The following DNAJC5G variants were observed in gnomAD, a reference collection of about 807,000 sequenced individuals.
The protein encoded by DNAJC5G is DnaJ heat shock protein family (Hsp40) member C5 gamma.
A neutral mutation model predicts 19.1 loss-of-function variants in DNAJC5G; 13 were observed. The observed-to-expected ratio is 0.68, with a 90% CI of 0.44 to 1.08. The LOEUF (loss-of-function observed/expected upper bound fraction) is 1.08. DNAJC5G is among the 50% of genes least tolerant of loss of function. The pLI is 0.00. For missense variants in DNAJC5G, 245 were observed against 230.4 expected (o/e 1.06, Z -0.41); for synonymous variants, 81 against 84.4 (o/e 0.96, Z 0.22).
chr2:27,280,359 A>T lies in DNAJC5G; in HGVS notation c.*19-70A>T, dbSNP rs1048709923. 3 of 810,766 alleles carry T rather than the reference A, an allele frequency of 3.7e-6. No individual in the cohort carries two copies. In the Admixed American group the frequency reaches 6.9e-5, roughly 19 times the overall value. 50.2% of individuals were successfully genotyped at this position (810,766 alleles called of 1,614,324 possible). On this transcript the variant is annotated intron_variant, in intron 6 of 6. Transcript: ENST00000296097. Reference sequence around the variant, plus strand: ...ACTATGTGTTTATATCCTTACATGTAGGGGTTTGCTTTAAGTTCTAGGTAA... The same window carrying T: ...ACTATGTGTTTATATCCTTACATGTTGGGGTTTGCTTTAAGTTCTAGGTAA...
Position 27,276,364 on chromosome 2 carries a change from C to A in DNAJC5G, c.-27C>A. The A allele has an allele frequency of 5.9e-6, 1 of 170,540 alleles. No homozygotes were observed. The allele number at this position is 170,540 out of a possible 1,614,324, so 10.6% of individuals were successfully genotyped here. On this transcript the variant is annotated 5_prime_UTR_variant, in exon 2 of 7. Coordinates refer to ENST00000296097, the MANE Select transcript of DNAJC5G (RefSeq NM_173650.3). ...TTTCAAACCCAGCAGTGAGCTTGGA[C>A]AGACCCAGAGGTGTTTACTCCAGGT...
At chr2:27,278,121 A>G in intron 4 of DNAJC5G, 67 bp from the exon 5 acceptor site, 1 of 1,611,064 alleles carries the variant, frequency 6.2e-7, no homozygotes, top group South Asian at 1.1e-5. Flanking sequence ...AGGAGGATTG[A>G]GGGAGGGAAG....
chr2:27,278,699 A>C (rs979414408), intron 5 of DNAJC5G, among the ~76,000 whole-genome samples: 3 of 147,546 alleles, frequency 2.0e-5, no homozygotes, highest in Non-Finnish European at 4.5e-5. Context: ...AAAAAAAAAA[A>C]AAAAAAAAAG....
chr2:27,278,138 C>T, intron 4 of DNAJC5G, 50 bp from the exon 5 acceptor site: 1 of 1,612,512 alleles, frequency 6.2e-7, no homozygotes, highest in Non-Finnish European at 8.5e-7. Context: ...GAAGCTTGAG[C>T]AGTCATATAG....
At chr2:27,280,052 A>G (rs976208569) in intron 5 of DNAJC5G, 114 bp from the exon 6 acceptor site, 2 of 949,862 alleles carry the variant, frequency 2.1e-6, no homozygotes, top group South Asian at 1.5e-5. Context: ...ACTTGACACC[A>G]GCGCCACCTG....
chr2:27,277,724 A>G (rs777414817), intron 3 of DNAJC5G, 30 bp from the exon 4 acceptor site: 6 of 1,612,900 alleles, frequency 3.7e-6, no homozygotes, highest in Non-Finnish European at 5.1e-6. Context: ...AGACTAATCC[A>G]TGTCATTCAT....
Position 27,277,612 on chromosome 2 carries a change from C to T in DNAJC5G, c.114-142C>T, listed in dbSNP as rs1678163491. 7 of 1,138,506 alleles carry T rather than the reference C, an allele frequency of 6.1e-6. No individual in the cohort carries two copies. In the East Asian group the frequency reaches 1.7e-4, roughly 27 times the overall value. 70.5% of individuals were successfully genotyped at this position (1,138,506 alleles called of 1,614,324 possible). A position where few individuals can be genotyped will look rare whatever the true frequency, so the allele number is the denominator to read the frequency against. On this transcript the variant is annotated intron_variant, in intron 3 of 6. Coordinates refer to ENST00000296097, the MANE Select transcript of DNAJC5G (RefSeq NM_173650.3). Reference sequence around the variant, plus strand: ...AAGCCCTCACTTTGGGGCCAAATGGCACCATCACCCTCTTCATTATAGTAT... The same window carrying T: ...AAGCCCTCACTTTGGGGCCAAATGGTACCATCACCCTCTTCATTATAGTAT...
intron 1 of DNAJC5G, chr2:27,275,851 C>T (rs1678015943): frequency 6.5e-6 from 1 of 153,382 alleles, no homozygotes. Flanking sequence ...CCAGGCCTAG[C>T]TGCAAGCACT....
chr2:27,277,220 G>A (rs906495500), intron 3 of DNAJC5G, among the ~76,000 whole-genome samples: 1 of 151,844 alleles, frequency 6.6e-6, no homozygotes, highest in Non-Finnish European at 1.5e-5. Context: ...GGGATTACAG[G>A]TGTGAACCAC....
intron 3 of DNAJC5G, 39 bp from the exon 4 acceptor site, chr2:27,277,715 G>T (rs1228556817): frequency 6.2e-7 from 1 of 1,611,986 alleles, no homozygotes; most frequent in Non-Finnish European, 8.5e-7. Context: ...ACTCTCTAGA[G>T]ACTAATCCAT....
intron 2 of DNAJC5G, 58 bp from the exon 3 acceptor site, chr2:27,276,668 C>T: frequency 2.0e-6 from 3 of 1,536,074 alleles, no homozygotes; most frequent in Non-Finnish European, 2.7e-6. Context: ...TGGAAGTGCA[C>T]TTCTCGGTAC....
In DNAJC5G at chr2:27,280,233, G is replaced by A. The variant is rs370283787; in HGVS notation, c.*18G>A. 2.4e-5 allele frequency: 38 copies of A among 1,613,476 alleles called. No homozygotes were observed. The highest frequency in any genetic ancestry group is 3.1e-5 in the Non-Finnish European group (36 of 1,179,630). On this transcript the variant is annotated splice_region_variant and 3_prime_UTR_variant, in exon 6 of 7. Transcript: ENST00000296097. ...ATTTTTAAGAGATGAAGAAGGATGA[G>A]GTATGTAAACCGAAAGGCAGCAACA...
chr2:27,277,248 C>T (rs1354904335), intron 3 of DNAJC5G, among the ~76,000 whole-genome samples: 1 of 128,538 alleles, frequency 7.8e-6, no homozygotes, highest in Non-Finnish European at 1.6e-5. Context: ...GGCCTACGAC[C>T]CGTTTGTTTG....
intron 5 of DNAJC5G, 63 bp downstream of exon 5, chr2:27,278,395 T>C (rs1242512791): frequency 5.0e-6 from 8 of 1,595,550 alleles, no homozygotes; most frequent in East Asian, 4.5e-5. Context: ...AAAGAAATGA[T>C]TGGGGTTGGG....
chr2:27,278,174 C>T lies in DNAJC5G; in HGVS notation c.376-14C>T, dbSNP rs769201615. ...AAAACTGCTGGACTGAGGCCATTCT[C>T]GCCTACCTTTTAGACACTTGTCATC... On this transcript the variant is annotated splice_polypyrimidine_tract_variant and intron_variant, in intron 4 of 6. Coordinates refer to ENST00000296097, the MANE Select transcript of DNAJC5G (RefSeq NM_173650.3). The T allele has an allele frequency of 3.1e-6, 5 of 1,614,126 alleles. No homozygotes were observed. The highest frequency in any genetic ancestry group is 1.7e-5 in the Admixed American group (1 of 60,014).
intron 5 of DNAJC5G, among the ~76,000 whole-genome samples, chr2:27,278,784 A>G (rs1572508369): frequency 6.6e-6 from 1 of 150,748 alleles, no homozygotes; most frequent in Non-Finnish European, 1.5e-5. Flanking sequence ...AGGCGGGCGG[A>G]TCACGAGGTC....
chr2:27,279,748 C>CAA (rs936898268), intron 5 of DNAJC5G, among the ~76,000 whole-genome samples: 26 of 68,834 alleles, frequency 3.8e-4, no homozygotes, highest in South Asian at 1.6e-3. Flanking sequence ...CCAGTATCTA[C>CAA]AAAAAAAAAA....
intron 5 of DNAJC5G, among the ~76,000 whole-genome samples, chr2:27,279,615 C>G (rs1678275818): frequency 6.6e-6 from 1 of 151,950 alleles, no homozygotes; most frequent in Non-Finnish European, 1.5e-5. Context: ...TTTTTTCCAT[C>G]TACTCAAAGG....
chr2:27,277,638 G>C (rs1484274168), intron 3 of DNAJC5G, 116 bp from the exon 4 acceptor site: 3 of 1,324,268 alleles, frequency 2.3e-6, no homozygotes, highest in Non-Finnish European at 3.2e-6. Flanking sequence ...ATTATAGTAT[G>C]GGAAGGAGTT....
Sources: allele counts gnomAD v4.1 joint callset (sites outside exome capture counted in the v4.1 genomes callset), GRCh38; gene constraint gnomAD v4.1.1; transcripts MANE v1.5; gene names NCBI Gene and HGNC (gene_info 2026-07-23, HGNC 2026-07-21).